The following AUTS2 variants were observed in gnomAD, a reference collection of about 807,000 sequenced individuals.
AUTS2 encodes the protein activator of transcription and developmental regulator AUTS2.
A neutral mutation model predicts 112.4 loss-of-function variants in AUTS2; 17 were observed. The observed-to-expected ratio is 0.15, with a 90% CI of 0.10 to 0.23. AUTS2 has a LOEUF of 0.23. Among genes scored for constraint, AUTS2 ranks in the 10% least tolerant of loss-of-function variants. The pLI, the probability that AUTS2 is intolerant of heterozygous loss-of-function variation, is 1.00. For synonymous variants in AUTS2, 751 were observed against 702.7 expected (o/e 1.07, Z -1.09); for missense variants, 1,510 against 1,701.6 (o/e 0.89, Z 1.98).
At chr7:69,940,242 C>A (rs750594004) in intron 2 of AUTS2, among the ~76,000 whole-genome samples, 12 of 152,166 alleles carry the variant, frequency 7.9e-5, no homozygotes, top group Admixed American at 7.9e-4. Context: ...GTGAGAAGGG[C>A]AGAGAGTTGA....
At chr7:70,577,787 T>A (rs1044877021) in intron 5 of AUTS2, among the ~76,000 whole-genome samples, 2 of 151,650 alleles carry the variant, frequency 1.3e-5, no homozygotes, top group Non-Finnish European at 2.9e-5. Flanking sequence ...AAAGCATTTT[T>A]GTTCATATGT....
intron 13 of AUTS2, among the ~76,000 whole-genome samples, chr7:70,775,922 C>G (rs1790658327): frequency 1.3e-5 from 2 of 152,224 alleles, no homozygotes; most frequent in East Asian, 1.9e-4. Flanking sequence ...CTAAATGAAT[C>G]CTGGTGGTTG....
At chr7:70,553,589 T>G (rs1263913449) in intron 5 of AUTS2, among the ~76,000 whole-genome samples, 1 of 152,022 alleles carries the variant, frequency 6.6e-6, no homozygotes, top group Non-Finnish European at 1.5e-5. Context: ...CTTGTTCCAG[T>G]GAGCTAAATC....
chr7:70,061,751 C>A (rs1802253969), intron 2 of AUTS2, among the ~76,000 whole-genome samples: 1 of 150,768 alleles, frequency 6.6e-6, no homozygotes, highest in African/African-American at 2.4e-5. Flanking sequence ...TTGGGGCAGG[C>A]TTGTGGGTGG....
At chr7:70,542,623 T>C (rs1469834569) in intron 5 of AUTS2, among the ~76,000 whole-genome samples, 1 of 152,218 alleles carries the variant, frequency 6.6e-6, no homozygotes. Flanking sequence ...TTAAACTTTA[T>C]GGTTAACAGA....
At position 70,720,366 on chromosome 7, in the gene AUTS2, G is replaced by A. The variant is rs114043053; in HGVS notation, c.742+21746G>A. ...TATGAGCATAAAGTTATCCACACTC[G>A]TCTCCAAATCGCAGGCGTCAATCTG... On this transcript the variant is annotated intron_variant, in intron 6 of 18. Transcript: ENST00000342771. Among the ~76,000 whole-genome samples, 453 of 152,230 alleles carry A rather than the reference G, an allele frequency of 3.0e-3. 1 individual carries two copies. Among genetic ancestry groups the A allele is most frequent in the African/African-American group, 0.01 (431 of 41,544 alleles).
chr7:69,879,822 C>G (rs1377789284), intron 1 of AUTS2, among the ~76,000 whole-genome samples: 1 of 152,076 alleles, frequency 6.6e-6, no homozygotes, highest in African/African-American at 2.4e-5. Context: ...TTTTTTGAGA[C>G]AAGGTCTTAC....
chr7:70,319,124 T>C (rs936332542), intron 4 of AUTS2, among the ~76,000 whole-genome samples: 1 of 152,162 alleles, frequency 6.6e-6, no homozygotes, highest in Admixed American at 6.5e-5. Context: ...GATTCTGACA[T>C]TTAAATAAAT....
At chr7:70,283,747 C>G (rs1041936420) in intron 4 of AUTS2, among the ~76,000 whole-genome samples, 3 of 151,992 alleles carry the variant, frequency 2.0e-5, no homozygotes, top group Non-Finnish European at 4.4e-5. Flanking sequence ...TTAGAATAGT[C>G]CTTTGGAAGC....
chr7:70,260,089 G>A (rs1045825175), intron 4 of AUTS2, among the ~76,000 whole-genome samples: 1 of 152,140 alleles, frequency 6.6e-6, no homozygotes, highest in Middle Eastern at 3.4e-3. Context: ...TTTATGGCCA[G>A]GCGCGGTGGC....
intron 5 of AUTS2, among the ~76,000 whole-genome samples, chr7:70,681,331 A>T (rs1216997076): frequency 6.6e-6 from 1 of 152,104 alleles, no homozygotes; most frequent in East Asian, 1.9e-4. Context: ...GAGGGTTTGC[A>T]GCCCGCTTTT....
chr7:69,708,760 C>T (rs921024940), intron 1 of AUTS2, among the ~76,000 whole-genome samples: 14 of 152,116 alleles, frequency 9.2e-5, no homozygotes, highest in Non-Finnish European at 1.6e-4. Context: ...TGTGACTTTT[C>T]TGATTTAGGA....
At chr7:69,626,453 C>G (rs1793953356) in intron 1 of AUTS2, among the ~76,000 whole-genome samples, 1 of 151,972 alleles carries the variant, frequency 6.6e-6, no homozygotes, top group African/African-American at 2.4e-5. Flanking sequence ...GCTTTCATGC[C>G]CACTGTGTGC....
intron 5 of AUTS2, among the ~76,000 whole-genome samples, chr7:70,495,323 G>T (rs1447589036): frequency 4.6e-5 from 7 of 151,396 alleles, no homozygotes; most frequent in Non-Finnish European, 1.0e-4. Context: ...GTTCCTTTTG[G>T]GGCTCACTGT....
In AUTS2 at chr7:70,302,180, G is replaced by A. The variant is rs185925418; in HGVS notation, c.661-133572G>A. Among the ~76,000 whole-genome samples, 7 of 152,274 alleles carry A rather than the reference G, an allele frequency of 4.6e-5. No homozygotes were observed. The East Asian group carries it at 1.2e-3, about 25-fold the overall frequency. On this transcript the variant is annotated intron_variant, in intron 4 of 18. Transcript: ENST00000342771. ...AATCCCAGCACTTTGGGAGGCCAAC[G>A]TGGGAGGATCGCTTGAGCTGAGGAG...
intron 4 of AUTS2, among the ~76,000 whole-genome samples, chr7:70,326,459 C>G (rs1187158542): frequency 6.6e-6 from 1 of 152,178 alleles, no homozygotes; most frequent in Non-Finnish European, 1.5e-5. Flanking sequence ...TTCAACATGG[C>G]TTAATAGTCC....
At chr7:69,653,280 C>A (rs1795374231) in intron 1 of AUTS2, among the ~76,000 whole-genome samples, 1 of 152,166 alleles carries the variant, frequency 6.6e-6, no homozygotes, top group Non-Finnish European at 1.5e-5. Context: ...GCATCTGTGT[C>A]CTGTCCCCAA....
chr7:70,177,091 C>T (rs1025977730), intron 4 of AUTS2, among the ~76,000 whole-genome samples: 7 of 152,266 alleles, frequency 4.6e-5, no homozygotes, highest in Middle Eastern at 3.4e-3. Flanking sequence ...GATTAAATCC[C>T]GTGCTTTGCC....
intron 4 of AUTS2, among the ~76,000 whole-genome samples, chr7:70,188,445 A>G (rs1339573040): frequency 6.6e-6 from 1 of 152,220 alleles, no homozygotes; most frequent in African/African-American, 2.4e-5. Context: ...AATTGTAGGA[A>G]GAGATTCTGG....
Sources: allele counts gnomAD v4.1 joint callset (sites outside exome capture counted in the v4.1 genomes callset), GRCh38; gene constraint gnomAD v4.1.1; transcripts MANE v1.5; gene names NCBI Gene and HGNC (gene_info 2026-07-23, HGNC 2026-07-21).